Variants in SMG7 observed in about 807,000 individuals in gnomAD.
SMG7 encodes the protein SMG7 nonsense mediated mRNA decay factor, also known as nonsense-mediated mRNA decay factor SMG7.
In SMG7, 34 loss-of-function variants were observed where a neutral mutation model predicts 148.2. The observed-to-expected ratio is 0.23, with a 90% CI of 0.17 to 0.31. The LOEUF (loss-of-function observed/expected upper bound fraction) is 0.31. Ranked by LOEUF, SMG7 falls within the 10% of genes least tolerant of loss-of-function variation. SMG7 has a pLI of 1.00. For missense variants in SMG7, 1,114 were observed against 1,408.4 expected (o/e 0.79, Z 3.35); for synonymous variants, 492 against 515.1 (o/e 0.96, Z 0.61).
chr1:183,546,926 T>A (rs1316229807), intron 17 of SMG7, among the ~76,000 whole-genome samples, 177 bp from the exon 18 acceptor site: 2 of 152,248 alleles, frequency 1.3e-5, no homozygotes, highest in Non-Finnish European at 2.9e-5. Context: ...ACTTTCTCCA[T>A]TATTGTCCTT....
intron 14 of SMG7, among the ~76,000 whole-genome samples, chr1:183,543,996 G>A (rs1010831466): frequency 2.0e-5 from 3 of 152,112 alleles, no homozygotes; most frequent in South Asian, 4.1e-4. Context: ...TTAGAGTATA[G>A]AGAACCCTGG....
chr1:183,514,553 A>G (rs1468579708), intron 2 of SMG7, among the ~76,000 whole-genome samples: 1 of 152,220 alleles, frequency 6.6e-6, no homozygotes, highest in Non-Finnish European at 1.5e-5. Context: ...CAGAACATGG[A>G]GCAATATCAG....
intron 7 of SMG7, 104 bp from the exon 8 acceptor site, chr1:183,529,294 T>TA (rs1666445215): frequency 4.5e-6 from 6 of 1,323,934 alleles, no homozygotes; most frequent in Non-Finnish European, 6.3e-6. Flanking sequence ...ATCAGTCAAA[T>TA]ACAGCTCTTT....
intron 4 of SMG7, among the ~76,000 whole-genome samples, 199 bp from the exon 5 acceptor site, chr1:183,526,397 G>A (rs538081637): frequency 2.8e-3 from 426 of 151,808 alleles, no homozygotes; most frequent in African/African-American, 9.7e-3. Context: ...CAAGTGATCC[G>A]CCCGCCTTGG....
chr1:183,500,790 G>GGCA (rs1441805550), intron 1 of SMG7, among the ~76,000 whole-genome samples: 1 of 152,048 alleles, frequency 6.6e-6, no homozygotes, highest in Non-Finnish European at 1.5e-5. Context: ...GATACTGAGG[G>GGCA]GCAAAACAAC....
Position 183,552,884 on chromosome 1 carries a change from C to T in SMG7, c.*953C>T, listed in dbSNP as rs989024727. The T allele has an allele frequency of 6.9e-6, 10 of 1,443,996 alleles. No homozygotes were observed. The highest frequency in any genetic ancestry group is 9.1e-6 in the Non-Finnish European group (10 of 1,102,718). The allele number at this position is 1,443,996 out of a possible 1,614,324, so 89.4% of individuals were successfully genotyped here. A position where few individuals can be genotyped will look rare whatever the true frequency, so the allele number is the denominator to read the frequency against. On this transcript the variant is annotated 3_prime_UTR_variant, in exon 23 of 23. Coordinates refer to ENST00000688051, the MANE Select transcript of SMG7 (RefSeq NM_001375584.1). ...TTTGTGCCCCCATTCTACTTCCCACCCTCCTGCCCCATCTCCATCCCTTCT... is the reference window on the plus strand; with the variant it reads ...TTTGTGCCCCCATTCTACTTCCCACTCTCCTGCCCCATCTCCATCCCTTCT...
Position 183,553,871 on chromosome 1 carries a change from C to G in SMG7, c.*1940C>G, listed in dbSNP as rs923346919. ...TCCAGTGTTTGAACTGTCACTGATT[C>G]TTGCGCCCTAGACAAGCTAACCAGG... On this transcript the variant is annotated 3_prime_UTR_variant, in exon 23 of 23. Coordinates refer to ENST00000688051, the MANE Select transcript of SMG7 (RefSeq NM_001375584.1). 1 of 152,680 alleles carries G rather than the reference C, an allele frequency of 6.5e-6. No individual in the cohort carries two copies. Among genetic ancestry groups the G allele is most frequent in the South Asian group, 2.1e-4 (1 of 4,842 alleles). 9.5% of individuals were successfully genotyped at this position (152,680 alleles called of 1,614,324 possible).
intron 4 of SMG7, 77 bp downstream of exon 4, chr1:183,517,897 G>T: frequency 1.4e-6 from 2 of 1,425,860 alleles, no homozygotes; most frequent in East Asian, 2.3e-5. Context: ...CTTAATGCAT[G>T]TAAACAATTC....
chr1:183,540,836 A>C, intron 12 of SMG7, 148 bp from the exon 13 acceptor site: 1 of 527,378 alleles, frequency 1.9e-6, no homozygotes, highest in Non-Finnish European at 3.3e-6. Flanking sequence ...TGGTAGTATA[A>C]ATTCTAATAA....
At chr1:183,535,387 C>T (rs1667575507) in intron 10 of SMG7, among the ~76,000 whole-genome samples, 1 of 152,102 alleles carries the variant, frequency 6.6e-6, no homozygotes, top group African/African-American at 2.4e-5. Context: ...TTTCCACTTC[C>T]TCCTATCAGA....
intron 1 of SMG7, among the ~76,000 whole-genome samples, chr1:183,483,905 A>G (rs542126378): frequency 1.3e-5 from 2 of 152,286 alleles, no homozygotes; most frequent in South Asian, 4.1e-4. Context: ...TTAAACGCAT[A>G]CACAGGTCTT....
In SMG7 at chr1:183,552,970, C is replaced by G; in HGVS notation, c.*1039C>G. The stretch of plus-strand genomic sequence containing the variant: ...TCCTAATGTGTGCAACATCACATCT[C>G]CCCAAGAAGCAACAGCATGGGGTCC... On this transcript the variant is annotated 3_prime_UTR_variant, in exon 23 of 23. Transcript: ENST00000688051. The G allele has an allele frequency of 6.5e-7, 1 of 1,536,046 alleles. No individual in the cohort carries two copies. The highest frequency in any genetic ancestry group is 2.4e-5 in the East Asian group (1 of 40,914).
chr1:183,477,648 G>A lies in SMG7; in HGVS notation c.29+4999G>A, dbSNP rs1363821759. Among the ~76,000 whole-genome samples the A allele has an allele frequency of 3.1e-5, 4 of 127,826 alleles. 1 individual carries two copies. Among genetic ancestry groups the A allele is most frequent in the African/African-American group, 6.1e-5 (2 of 32,970 alleles). The allele number at this position is 127,826 out of a possible 152,430, so 83.9% of individuals were successfully genotyped here. On this transcript the variant is annotated intron_variant, in intron 1 of 22. Transcript: ENST00000688051. ...CATATGTGTATATATGCATATATAC[G>A]TGTGTGCATATGTGTATATATGCAT...
intron 12 of SMG7, among the ~76,000 whole-genome samples, chr1:183,540,005 TC>T (rs1668513865): frequency 6.6e-6 from 1 of 152,194 alleles, no homozygotes; most frequent in Admixed American, 6.5e-5. Context: ...ATGCTCAAGT[TC>T]CAGCACTATC....
chr1:183,514,599 AC>A (rs570183077), intron 2 of SMG7, among the ~76,000 whole-genome samples: 44 of 152,376 alleles, frequency 2.9e-4, no homozygotes, highest in African/African-American at 9.9e-4. Flanking sequence ...TAGACATTGA[AC>A]AACCTTAGTA....
rs184662118 is a variant in SMG7, at chr1:183,530,447, A to T, written c.843+914A>T. Among the ~76,000 whole-genome samples, 772 of 152,260 alleles carry T rather than the reference A, an allele frequency of 5.1e-3. 3 individuals are homozygous for T. The highest frequency in any genetic ancestry group is 8.4e-3 in the Non-Finnish European group (573 of 67,966). ...ATTAGAATAGATAATTATAAATAGC[A>T]ATAGTTTGTTTTGTTTTAAAATATA... is the stretch of plus-strand genomic sequence containing the variant. On this transcript the variant is annotated intron_variant, in intron 8 of 22. Transcript: ENST00000688051.
intron 1 of SMG7, among the ~76,000 whole-genome samples, chr1:183,501,657 G>C (rs1659743937): frequency 1.3e-5 from 2 of 152,096 alleles, no homozygotes; most frequent in Non-Finnish European, 2.9e-5. Flanking sequence ...CTCCTTCCTT[G>C]TTGGTCTGTC....
At chr1:183,547,074 C>T in intron 17 of SMG7, 29 bp from the exon 18 acceptor site, 1 of 1,541,132 alleles carries the variant, frequency 6.5e-7, no homozygotes, top group Middle Eastern at 1.7e-4. Flanking sequence ...TCCCTTATTG[C>T]TTCTCACTGT....
intron 1 of SMG7, among the ~76,000 whole-genome samples, chr1:183,483,881 A>G (rs574778750): frequency 8.5e-5 from 13 of 152,286 alleles, no homozygotes; most frequent in African/African-American, 2.9e-4. Flanking sequence ...AATGTAATAT[A>G]TTAATTTGGT....
Sources: gnomAD v4.1 joint callset for allele counts (sites outside exome capture counted in the v4.1 genomes callset) on GRCh38, gnomAD v4.1.1 for gene constraint, MANE v1.5 for transcripts, NCBI Gene and HGNC (gene_info 2026-07-23, HGNC 2026-07-21) for gene names.